The following TAFA5 variants were observed in gnomAD, a reference collection of about 807,000 sequenced individuals.
TAFA5 encodes the protein TAFA chemokine like family member 5.
Under a neutral mutation model 15.3 loss-of-function variants are expected in TAFA5, and 6 were observed. The ratio of observed to expected loss-of-function variants is 0.39; its 90% CI spans 0.21 to 0.77. The LOEUF is 0.77. Among genes scored for constraint, TAFA5 ranks in the 30% least tolerant of loss-of-function variants. The pLI, the probability that TAFA5 is intolerant of heterozygous loss-of-function variation, is 0.41. For synonymous variants in TAFA5, 103 were observed against 80.7 expected (o/e 1.28, Z -1.48); for missense variants, 161 against 193.1 (o/e 0.83, Z 0.98).
chr22:48,623,705 G>A (rs5771885), intron 1 of TAFA5, among the ~76,000 whole-genome samples: 1 of 152,234 alleles, frequency 6.6e-6, no homozygotes, highest in African/African-American at 2.4e-5. Flanking sequence ...AGCCTGGCAC[G>A]GCGGCCCGAG....
intron 2 of TAFA5, among the ~76,000 whole-genome samples, chr22:48,663,321 T>C (rs60126173): frequency 0.041 from 6,057 of 147,126 alleles, 198 homozygotes; most frequent in East Asian, 0.14. Context: ...AGGGGCCACA[T>C]TGGGGTTAAG....
At chr22:48,636,312 C>T (rs752048765) in intron 1 of TAFA5, among the ~76,000 whole-genome samples, 7 of 152,210 alleles carry the variant, frequency 4.6e-5, no homozygotes, top group Admixed American at 6.5e-5. Flanking sequence ...ATGATCTCCT[C>T]GCACACATAT....
At chr22:48,641,692 C>G (rs1926685708) in intron 1 of TAFA5, among the ~76,000 whole-genome samples, 1 of 151,706 alleles carries the variant, frequency 6.6e-6, no homozygotes, top group Non-Finnish European at 1.5e-5. Context: ...GTGCACACGG[C>G]CTCGCTAACT....
chr22:48,729,614 C>CAA (rs1362103674), intron 3 of TAFA5, among the ~76,000 whole-genome samples: 4 of 146,316 alleles, frequency 2.7e-5, no homozygotes, highest in African/African-American at 9.9e-5. Flanking sequence ...GTGTATTGAT[C>CAA]ACTAAATCTG....
intron 1 of TAFA5, among the ~76,000 whole-genome samples, chr22:48,613,569 G>A (rs1425773915): frequency 3.3e-5 from 5 of 152,176 alleles, no homozygotes; most frequent in Non-Finnish European, 5.9e-5. Context: ...TCGGCCAGGC[G>A]CTCATCTCGC....
chr22:48,741,740 C>G (rs1056510098), intron 3 of TAFA5, among the ~76,000 whole-genome samples: 1 of 152,160 alleles, frequency 6.6e-6, no homozygotes. Flanking sequence ...CCAGCCTTGC[C>G]GCACCTGTGG....
intron 1 of TAFA5, among the ~76,000 whole-genome samples, chr22:48,591,008 C>A (rs184429419): frequency 3.9e-5 from 6 of 152,122 alleles, no homozygotes; most frequent in Non-Finnish European, 8.8e-5. Flanking sequence ...CCCATCACCA[C>A]GCCCAGCTAA....
At chr22:48,596,305 C>G (rs1164282748) in intron 1 of TAFA5, among the ~76,000 whole-genome samples, 2 of 152,168 alleles carry the variant, frequency 1.3e-5, no homozygotes, top group South Asian at 2.1e-4. Flanking sequence ...CTCCACGGCC[C>G]GTGTGTCTGG....
intron 1 of TAFA5, among the ~76,000 whole-genome samples, chr22:48,533,232 A>G (rs1388414334): frequency 6.6e-6 from 1 of 152,140 alleles, no homozygotes; most frequent in African/African-American, 2.4e-5. Context: ...CAAGGAGCAA[A>G]GAATAGAAGT....
chr22:48,632,968 G>C (rs1195333672), intron 1 of TAFA5, among the ~76,000 whole-genome samples: 1 of 152,180 alleles, frequency 6.6e-6, no homozygotes, highest in East Asian at 1.9e-4. Context: ...GCACTTCCTG[G>C]GGCTGAGAAT....
intron 2 of TAFA5, among the ~76,000 whole-genome samples, chr22:48,699,089 T>C (rs932716985): frequency 2.0e-5 from 3 of 151,984 alleles, no homozygotes; most frequent in African/African-American, 7.2e-5. Flanking sequence ...TGTACCACCA[T>C]GCCCAGCTAA....
intron 1 of TAFA5, among the ~76,000 whole-genome samples, chr22:48,599,976 G>A (rs925609909): frequency 1.3e-5 from 2 of 152,168 alleles, no homozygotes; most frequent in Non-Finnish European, 2.9e-5. Flanking sequence ...CTTGGCCTGC[G>A]GTGAGTGTTT....
chr22:48,739,145 G>A (rs1220184575), intron 3 of TAFA5, among the ~76,000 whole-genome samples: 1 of 152,136 alleles, frequency 6.6e-6, no homozygotes, highest in Non-Finnish European at 1.5e-5. Flanking sequence ...CCGCACCAGG[G>A]CCCAGTTTCT....
chr22:48,692,208 G>T (rs1355624263), intron 2 of TAFA5, among the ~76,000 whole-genome samples: 2 of 152,068 alleles, frequency 1.3e-5, no homozygotes, highest in East Asian at 1.9e-4. Context: ...CCTCCAGCCT[G>T]CAGGATGTCA....
At chr22:48,621,043 C>T (rs117007514) in intron 1 of TAFA5, among the ~76,000 whole-genome samples, 2 of 65,220 alleles carry the variant, frequency 3.1e-5, no homozygotes, top group Non-Finnish European at 6.7e-5. Context: ...CACCCTCCCA[C>T]CCATCCACCC....
intron 2 of TAFA5, among the ~76,000 whole-genome samples, chr22:48,649,124 G>A (rs992894001): frequency 6.6e-6 from 1 of 152,178 alleles, no homozygotes; most frequent in Non-Finnish European, 1.5e-5. Flanking sequence ...AGGGGCCGCG[G>A]GCTCTTGGCT....
intron 2 of TAFA5, among the ~76,000 whole-genome samples, chr22:48,696,064 G>C (rs544719172): frequency 2.6e-5 from 4 of 152,124 alleles, no homozygotes; most frequent in Non-Finnish European, 1.5e-5. Context: ...CCCCTGGTCC[G>C]TAGAATTCAG....
chr22:48,738,143 CCTT>C (rs1469793605), intron 3 of TAFA5, among the ~76,000 whole-genome samples: 1 of 152,178 alleles, frequency 6.6e-6, no homozygotes, highest in Non-Finnish European at 1.5e-5. Flanking sequence ...TGTGAAATTT[CCTT>C]CTTGAGCAGG....
chr22:48,701,888 C>T (rs1381860093), intron 2 of TAFA5, among the ~76,000 whole-genome samples: 1 of 152,208 alleles, frequency 6.6e-6, no homozygotes, highest in Non-Finnish European at 1.5e-5. Context: ...TTTATGCTGC[C>T]ACTGACGAGG....
Sources: allele counts gnomAD v4.1 joint callset (sites outside exome capture counted in the v4.1 genomes callset), GRCh38; gene constraint gnomAD v4.1.1; transcripts MANE v1.5; gene names NCBI Gene and HGNC (gene_info 2026-07-23, HGNC 2026-07-21).